CDYL2: variants seen among roughly 807,000 people sequenced by gnomAD.
CDYL2 encodes chromodomain Y like 2, also known as chromodomain Y-like protein 2.
In CDYL2, 23 loss-of-function variants were observed where a neutral mutation model predicts 49.4. The observed-to-expected ratio is 0.47, with a 90% CI of 0.34 to 0.66. The LOEUF is 0.66. Among genes scored for constraint, CDYL2 ranks in the 30% least tolerant of loss-of-function variants. The pLI is 0.01. For missense variants in CDYL2, 678 were observed against 656.4 expected (o/e 1.03, Z -0.36); for synonymous variants, 360 against 268.8 (o/e 1.34, Z -3.32).
chr16:80,687,421 A>G (rs1910241290), intron 1 of CDYL2, among the ~76,000 whole-genome samples: 2 of 151,810 alleles, frequency 1.3e-5, no homozygotes, highest in African/African-American at 4.8e-5. Context: ...TGAATGGATG[A>G]ATGGATAGAT....
At chr16:80,621,662 G>A (rs16953684) in intron 3 of CDYL2, among the ~76,000 whole-genome samples, 17 of 152,196 alleles carry the variant, frequency 1.1e-4, no homozygotes, top group African/African-American at 3.9e-4. Context: ...AGGTAGTGAT[G>A]AATTCTGGAT....
chr16:80,755,728 A>G (rs866188254), intron 1 of CDYL2, among the ~76,000 whole-genome samples: 5 of 152,208 alleles, frequency 3.3e-5, no homozygotes, highest in South Asian at 2.1e-4. Flanking sequence ...TGTACAATGC[A>G]AAAAGTAGAC....
intron 2 of CDYL2, among the ~76,000 whole-genome samples, chr16:80,640,638 G>A (rs1322027323): frequency 6.6e-6 from 1 of 152,164 alleles, no homozygotes; most frequent in African/African-American, 2.4e-5. Flanking sequence ...AGGGAGATAT[G>A]TGACCTTTCA....
At chr16:80,667,669 A>T (rs544063870) in intron 2 of CDYL2, among the ~76,000 whole-genome samples, 1 of 152,350 alleles carries the variant, frequency 6.6e-6, no homozygotes, top group South Asian at 2.1e-4. Flanking sequence ...TGTGTACTGT[A>T]TGTAAAGTGA....
intron 2 of CDYL2, among the ~76,000 whole-genome samples, chr16:80,661,836 G>C (rs12444299): frequency 0.41 from 62,369 of 151,926 alleles, 13,239 homozygotes; most frequent in East Asian, 0.6. Context: ...CCAGACTGTG[G>C]CCTCTTGAGG....
chr16:80,630,386 T>A (rs1907507334), intron 3 of CDYL2, among the ~76,000 whole-genome samples: 1 of 152,214 alleles, frequency 6.6e-6, no homozygotes, highest in South Asian at 2.1e-4. Context: ...GGGAATGAAC[T>A]GGAGACTTCA....
intron 3 of CDYL2, among the ~76,000 whole-genome samples, chr16:80,629,891 A>G (rs1051275968): frequency 2.6e-5 from 4 of 152,104 alleles, no homozygotes; most frequent in African/African-American, 4.8e-5. Context: ...TTTATTACAT[A>G]CCTCCTATAT....
At chr16:80,734,105 G>C (rs955097981) in intron 1 of CDYL2, among the ~76,000 whole-genome samples, 1 of 152,158 alleles carries the variant, frequency 6.6e-6, no homozygotes, top group Admixed American at 6.5e-5. Flanking sequence ...ACTTCCTTTA[G>C]ATACTTGGAT....
intron 1 of CDYL2, among the ~76,000 whole-genome samples, chr16:80,795,643 G>C (rs575486268): frequency 1.3e-5 from 2 of 152,238 alleles, no homozygotes; most frequent in Admixed American, 6.5e-5. Context: ...CCAGAGCCAG[G>C]GGCTGACTCC....
At chr16:80,735,575 G>C (rs1216489818) in intron 1 of CDYL2, among the ~76,000 whole-genome samples, 2 of 152,196 alleles carry the variant, frequency 1.3e-5, no homozygotes, top group Non-Finnish European at 2.9e-5. Flanking sequence ...GATCTGGCTA[G>C]AGGGAAGGGA....
At position 80,759,102 on chromosome 16, in the gene CDYL2, CTATATATATATATATATATATA is replaced by C. The variant is rs59240300; in HGVS notation, c.24+45026_24+45047del. On this transcript the variant is annotated intron_variant, in intron 1 of 6. Transcript: ENST00000570137. ...AAATGTAATATCTACAAACCATATA[CTATATATATATATATATATATA>C]TATATATATATATATGGTTTATATA... is the stretch of plus-strand genomic sequence containing the variant. Among the ~76,000 whole-genome samples, 79 of 63,370 alleles carry C rather than the reference CTATATATATATATATATATATA, an allele frequency of 1.2e-3. 1 individual carries two copies. The highest frequency in any genetic ancestry group is 2.4e-3 in the South Asian group (4 of 1,692). 41.6% of individuals were successfully genotyped at this position (63,370 alleles called of 152,430 possible). A position where few individuals can be genotyped will look rare whatever the true frequency, so the allele number is the denominator to read the frequency against.
At chr16:80,680,464 CA>C (rs2142467797) in intron 2 of CDYL2, among the ~76,000 whole-genome samples, 1 of 152,290 alleles carries the variant, frequency 6.6e-6, no homozygotes, top group African/African-American at 2.4e-5. Context: ...GGACGTTTCA[CA>C]GAGTAAAGGC....
intron 2 of CDYL2, among the ~76,000 whole-genome samples, chr16:80,651,198 A>G (rs1205408144): frequency 6.6e-6 from 1 of 152,210 alleles, no homozygotes; most frequent in African/African-American, 2.4e-5. Flanking sequence ...GCATCCCTGT[A>G]TCAAAACATC....
At chr16:80,653,168 T>C (rs1908658344) in intron 2 of CDYL2, among the ~76,000 whole-genome samples, 1 of 152,188 alleles carries the variant, frequency 6.6e-6, no homozygotes, top group African/African-American at 2.4e-5. Context: ...CTATAACTGG[T>C]TAAAAAGTGA....
intron 2 of CDYL2, among the ~76,000 whole-genome samples, chr16:80,673,847 C>A (rs1909631399): frequency 6.6e-6 from 1 of 152,098 alleles, no homozygotes; most frequent in Non-Finnish European, 1.5e-5. Context: ...TCAGTGTAAT[C>A]ACATAAGTCC....
chr16:80,608,038 T>A (rs1289514221), intron 6 of CDYL2, 54 bp downstream of exon 6: 3 of 1,508,858 alleles, frequency 2.0e-6, no homozygotes, highest in Non-Finnish European at 2.7e-6. Flanking sequence ...GCTGTCTTCA[T>A]GTGTAAAATG....
At chr16:80,737,094 T>C (rs1031694231) in intron 1 of CDYL2, among the ~76,000 whole-genome samples, 1 of 152,184 alleles carries the variant, frequency 6.6e-6, no homozygotes, top group African/African-American at 2.4e-5. Flanking sequence ...CAGATCAGTT[T>C]CAGGACAGCC....
intron 1 of CDYL2, among the ~76,000 whole-genome samples, chr16:80,709,557 AACAG>A (rs1430322610): frequency 1.6e-5 from 2 of 121,892 alleles, no homozygotes; most frequent in East Asian, 2.5e-4. Context: ...TGCAGGAATA[AACAG>A]ACACACACAC....
chr16:80,727,733 A>G (rs1357270335), intron 1 of CDYL2, among the ~76,000 whole-genome samples: 1 of 152,232 alleles, frequency 6.6e-6, no homozygotes, highest in Non-Finnish European at 1.5e-5. Context: ...TGGTTCTCCC[A>G]GCACGCAGCG....
Sources: gnomAD v4.1 joint callset for allele counts (sites outside exome capture counted in the v4.1 genomes callset) on GRCh38, gnomAD v4.1.1 for gene constraint, MANE v1.5 for transcripts, NCBI Gene and HGNC (gene_info 2026-07-23, HGNC 2026-07-21) for gene names.